The following RETREG1 variants were observed in gnomAD, a reference collection of about 807,000 sequenced individuals.
RETREG1 encodes family with sequence similarity 134 member B.
In RETREG1, 44 loss-of-function variants were observed where a neutral mutation model predicts 54.8. The observed-to-expected ratio is 0.80, with a 90% CI of 0.63 to 1.03. The LOEUF (loss-of-function observed/expected upper bound fraction) is 1.03, where lower values mean the gene tolerates loss of function less well. RETREG1 is among the 50% of genes least tolerant of loss of function. The pLI, the probability that RETREG1 is intolerant of heterozygous loss-of-function variation, is 0.00. For missense variants in RETREG1, 554 were observed against 605.1 expected (o/e 0.92, Z 0.89); for synonymous variants, 217 against 238.5 (o/e 0.91, Z 0.83).
intron 2 of RETREG1, among the ~76,000 whole-genome samples, chr5:16,569,186 T>C (rs1263575329): frequency 6.6e-6 from 1 of 152,022 alleles, no homozygotes; most frequent in Non-Finnish European, 1.5e-5. Context: ...TGGGCCTTTG[T>C]CCTAAGAGAC....
At chr5:16,574,749 T>A (rs561298819) in intron 1 of RETREG1, among the ~76,000 whole-genome samples, 1 of 152,352 alleles carries the variant, frequency 6.6e-6, no homozygotes, top group East Asian at 1.9e-4. Context: ...TATTTGCATC[T>A]AATAAATATT....
intron 3 of RETREG1, among the ~76,000 whole-genome samples, chr5:16,555,896 C>T (rs1741691061): frequency 6.6e-6 from 1 of 152,116 alleles, no homozygotes; most frequent in Admixed American, 6.5e-5. Context: ...AACTACTAAT[C>T]ATTTTTTCTT....
At chr5:16,512,834 T>C (rs902299005) in intron 3 of RETREG1, among the ~76,000 whole-genome samples, 1 of 152,128 alleles carries the variant, frequency 6.6e-6, no homozygotes, top group African/African-American at 2.4e-5. Context: ...TCTGTGATTG[T>C]TCTGATTGAG....
chr5:16,607,087 T>C (rs12521478), intron 1 of RETREG1, among the ~76,000 whole-genome samples: 62,876 of 152,056 alleles, frequency 0.41, 13,678 homozygotes, highest in Non-Finnish European at 0.48. Context: ...CTCAAGGTCC[T>C]TTCCTGAAAG....
intron 3 of RETREG1, 122 bp downstream of exon 3, chr5:16,565,641 T>C: frequency 9.3e-7 from 1 of 1,075,304 alleles, no homozygotes; most frequent in South Asian, 1.3e-5. Flanking sequence ...CCCACTCTGG[T>C]AAATTACTCT....
chr5:16,475,875 T>C (rs1230109617), intron 8 of RETREG1, among the ~76,000 whole-genome samples: 1 of 152,216 alleles, frequency 6.6e-6, no homozygotes, highest in Non-Finnish European at 1.5e-5. Flanking sequence ...AGAAGGCTAA[T>C]AGATTTTATT....
At chr5:16,549,051 C>A (rs1313850711) in intron 3 of RETREG1, among the ~76,000 whole-genome samples, 1 of 152,170 alleles carries the variant, frequency 6.6e-6, no homozygotes, top group African/African-American at 2.4e-5. Flanking sequence ...CTGGCCTCAC[C>A]CTATTTCTCA....
intron 1 of RETREG1, among the ~76,000 whole-genome samples, chr5:16,614,797 T>A (rs1743444671): frequency 6.6e-6 from 1 of 152,176 alleles, no homozygotes; most frequent in South Asian, 2.1e-4. Flanking sequence ...ATTTGAGACA[T>A]CCTTACAATA....
intron 5 of RETREG1, among the ~76,000 whole-genome samples, chr5:16,480,669 T>C (rs1024288677): frequency 6.6e-6 from 1 of 152,088 alleles, no homozygotes; most frequent in East Asian, 1.9e-4. Flanking sequence ...TATTTCATTG[T>C]GGTTTTAATT....
intron 1 of RETREG1, among the ~76,000 whole-genome samples, chr5:16,613,576 G>A (rs1225628262): frequency 6.6e-6 from 1 of 152,176 alleles, no homozygotes; most frequent in Non-Finnish European, 1.5e-5. Context: ...AAATGTTGAA[G>A]CTTTTGAGTC....
intron 3 of RETREG1, among the ~76,000 whole-genome samples, chr5:16,504,723 C>T (rs563183758): frequency 3.2e-4 from 49 of 152,198 alleles, no homozygotes; most frequent in Non-Finnish European, 6.3e-4. Context: ...TCCCTCACTT[C>T]ACGGCTGTGT....
chr5:16,490,912 G>T (rs980198966), intron 3 of RETREG1, among the ~76,000 whole-genome samples: 1 of 152,162 alleles, frequency 6.6e-6, no homozygotes, highest in African/African-American at 2.4e-5. Context: ...AGCGGCTTTG[G>T]TTCCCAGGTG....
chr5:16,609,198 C>T (rs1463980040), intron 1 of RETREG1, among the ~76,000 whole-genome samples: 3 of 152,174 alleles, frequency 2.0e-5, no homozygotes, highest in African/African-American at 4.8e-5. Context: ...TACCGGTCAA[C>T]GTCATCTTTG....
chr5:16,506,800 C>T lies in RETREG1; in HGVS notation c.459-23328G>A, dbSNP rs749944236. Among the ~76,000 whole-genome samples, 22 of 152,254 alleles carry T rather than the reference C, an allele frequency of 1.4e-4. No homozygotes were observed. In the Middle Eastern group the frequency reaches 0.014, roughly 94 times the overall value. On this transcript the variant is annotated intron_variant, in intron 3 of 8. Transcript: ENST00000306320. ...GTATGAAGTAAGACAAAGTATACTG[C>T]ATAGAAAACCACCAATGGGTAAAAG...
intron 1 of RETREG1, among the ~76,000 whole-genome samples, chr5:16,615,257 A>G (rs570064046): frequency 6.6e-6 from 1 of 151,810 alleles, no homozygotes; most frequent in South Asian, 2.1e-4. Flanking sequence ...AAAACTGGCC[A>G]GGCGTGGTGG....
intron 4 of RETREG1, among the ~76,000 whole-genome samples, chr5:16,482,745 C>G (rs1738835613): frequency 6.6e-6 from 1 of 152,092 alleles, no homozygotes; most frequent in Admixed American, 6.6e-5. Flanking sequence ...ATTAAAGCTG[C>G]CTTTATGCAT....
intron 3 of RETREG1, among the ~76,000 whole-genome samples, chr5:16,554,131 G>C (rs1349115424): frequency 6.6e-6 from 1 of 152,162 alleles, no homozygotes; most frequent in African/African-American, 2.4e-5. Context: ...AAGAATTTAA[G>C]AACTTTGATC....
intron 3 of RETREG1, among the ~76,000 whole-genome samples, chr5:16,506,716 T>G (rs1298166893): frequency 1.3e-5 from 2 of 152,204 alleles, no homozygotes; most frequent in Non-Finnish European, 2.9e-5. Context: ...AGCCTAGCTC[T>G]AAACTTTCTC....
At chr5:16,537,885 A>G (rs555053512) in intron 3 of RETREG1, among the ~76,000 whole-genome samples, 1 of 152,260 alleles carries the variant, frequency 6.6e-6, no homozygotes, top group Admixed American at 6.5e-5. Flanking sequence ...TGCAGGGTCC[A>G]TGGCTTTGGG....
Sources: allele counts gnomAD v4.1 joint callset (sites outside exome capture counted in the v4.1 genomes callset), GRCh38; gene constraint gnomAD v4.1.1; transcripts MANE v1.5; gene names NCBI Gene and HGNC (gene_info 2026-07-23, HGNC 2026-07-21).